The following UGT1A9 variants were observed in gnomAD, a reference collection of about 807,000 sequenced individuals.
UGT1A9 encodes the protein UDP-glucuronosyltransferase 1A9.
Under a neutral mutation model 45.0 loss-of-function variants are expected in UGT1A9, and 35 were observed. The ratio of observed to expected loss-of-function variants is 0.78; its 90% CI spans 0.59 to 1.03. The LOEUF is 1.03. Ranked by LOEUF, UGT1A9 falls within the 50% of genes least tolerant of loss-of-function variation. The probability of loss-of-function intolerance (pLI) is 0.00; values close to 1 mark genes in which losing one functional copy is unlikely to be tolerated. For synonymous variants in UGT1A9, 278 were observed against 250.6 expected (o/e 1.11, Z -1.03); for missense variants, 687 against 666.6 (o/e 1.03, Z -0.34).
In UGT1A9 at chr2:233,769,534, G is replaced by C. The variant is rs752305202; in HGVS notation, c.1295+1095G>C. ...CTCCCATGGTTACCTCCTTTAGAAA[G>C]AAGCAGCAGTCAGGAAGACAGATGT... is the stretch of plus-strand genomic sequence containing the variant. On this transcript the variant is annotated intron_variant, in intron 4 of 4. Transcript: ENST00000354728. The surrounding 1 kb of genome is among the most constrained non-coding windows in gnomAD (Gnocchi z 4.4). 6.2e-7 allele frequency: 1 copy of C among 1,612,926 alleles called. No individual in the cohort carries two copies. Among genetic ancestry groups the C allele is most frequent in the South Asian group, 1.1e-5 (1 of 91,080 alleles).
intron 1 of UGT1A9, among the ~76,000 whole-genome samples, chr2:233,706,927 T>G (rs2075931313): frequency 6.6e-6 from 1 of 152,158 alleles, no homozygotes; most frequent in African/African-American, 2.4e-5. Context: ...AGTATGAGTC[T>G]GGTGAGATGG....
intron 1 of UGT1A9, among the ~76,000 whole-genome samples, chr2:233,703,576 T>C (rs1010311982): frequency 2.0e-5 from 3 of 152,152 alleles, no homozygotes; most frequent in East Asian, 3.9e-4. Context: ...TTTTAAGGTC[T>C]ATATTATCTT....
At chr2:233,755,785 T>A (rs1696021377) in intron 1 of UGT1A9, 1 of 152,588 alleles carries the variant, frequency 6.6e-6, no homozygotes, top group Non-Finnish European at 1.5e-5. Flanking sequence ...ATGCCTATCA[T>A]ATGTACTGCA....
At chr2:233,682,220 GA>G (rs1559339444) in intron 1 of UGT1A9, 2 of 1,614,202 alleles carry the variant, frequency 1.2e-6, no homozygotes, top group South Asian at 2.2e-5. Flanking sequence ...GGTTTTTGCC[GA>G]TGCTCGCTGG....
At chr2:233,733,467 T>C (rs1231122039) in intron 1 of UGT1A9, among the ~76,000 whole-genome samples, 1 of 152,200 alleles carries the variant, frequency 6.6e-6, no homozygotes, top group African/African-American at 2.4e-5. Context: ...GCTCTTATTA[T>C]TTTGAGATAC....
intron 1 of UGT1A9, among the ~76,000 whole-genome samples, chr2:233,742,171 A>G (rs758194375): frequency 2.0e-5 from 3 of 151,946 alleles, no homozygotes; most frequent in Non-Finnish European, 2.9e-5. Context: ...CACACACAGA[A>G]ATATAGAGTG....
intron 1 of UGT1A9, among the ~76,000 whole-genome samples, chr2:233,716,209 T>C (rs1427806327): frequency 6.6e-6 from 1 of 152,234 alleles, no homozygotes; most frequent in Non-Finnish European, 1.5e-5. Flanking sequence ...TCTCTTTCAC[T>C]TGCAAGAGCC....
intron 1 of UGT1A9, among the ~76,000 whole-genome samples, chr2:233,682,977 T>C (rs1213676432): frequency 6.6e-6 from 1 of 152,212 alleles, no homozygotes; most frequent in African/African-American, 2.4e-5. Context: ...CTCTTGTTGA[T>C]ATGTAAGTGT....
intron 1 of UGT1A9, among the ~76,000 whole-genome samples, chr2:233,717,495 T>C (rs979410742): frequency 1.3e-5 from 2 of 152,220 alleles, no homozygotes; most frequent in Admixed American, 6.5e-5. Flanking sequence ...CTGTTATCAA[T>C]GTGGATTTCT....
At chr2:233,719,295 G>A in intron 1 of UGT1A9, 1 of 1,613,994 alleles carries the variant, frequency 6.2e-7, no homozygotes. Context: ...CCTCTGTGGG[G>A]CGGTGCTGGC....
rs568014834 is a variant in UGT1A9, at chr2:233,720,430, C to T, written c.856-46604C>T. Among the ~76,000 whole-genome samples the T allele has an allele frequency of 5.5e-4, 84 of 151,958 alleles. 1 individual carries two copies. The highest frequency in any genetic ancestry group is 1.8e-3 in the African/African-American group (76 of 41,396). ...GAAGGGACTAGGGAGGAGATAAGAC[C>T]GTGAATCTATAAGCCCAGTGAAGCT... On this transcript the variant is annotated intron_variant, in intron 1 of 4. Coordinates refer to ENST00000354728, the MANE Select transcript of UGT1A9 (RefSeq NM_021027.3).
At position 233,681,958 on chromosome 2, in the gene UGT1A9, T is replaced by C. The variant is rs1348349529; in HGVS notation, c.855+9169T>C. 4 of 1,613,906 alleles carry C rather than the reference T, an allele frequency of 2.5e-6. No individual in the cohort carries two copies. In the African/African-American group the frequency reaches 4.0e-5, roughly 16 times the overall value. On this transcript the variant is annotated intron_variant, in intron 1 of 4. Coordinates refer to ENST00000354728, the MANE Select transcript of UGT1A9 (RefSeq NM_021027.3). ...CTCTGATGGCTCGTGCAGGGTGGAC[T>C]GGCCTCCTTCCCCTATATGTGTGTC...
intron 1 of UGT1A9, among the ~76,000 whole-genome samples, chr2:233,705,460 C>A (rs1045270048): frequency 6.6e-6 from 1 of 152,132 alleles, no homozygotes; most frequent in African/African-American, 2.4e-5. Flanking sequence ...TATTTTTTAG[C>A]AGACACACAT....
chr2:233,679,313 C>A (rs1461081979), intron 1 of UGT1A9, among the ~76,000 whole-genome samples: 2 of 152,196 alleles, frequency 1.3e-5, no homozygotes, highest in African/African-American at 4.8e-5. Flanking sequence ...TGGAACCAAT[C>A]CAGAAAACGC....
intron 1 of UGT1A9, among the ~76,000 whole-genome samples, chr2:233,735,014 T>A (rs902605197): frequency 6.6e-6 from 1 of 152,232 alleles, no homozygotes; most frequent in Non-Finnish European, 1.5e-5. Flanking sequence ...GAGAGTTCTG[T>A]AGATGTCTAT....
intron 1 of UGT1A9, among the ~76,000 whole-genome samples, chr2:233,711,697 C>T (rs569258962): frequency 1.4e-3 from 217 of 152,312 alleles, no homozygotes; most frequent in Non-Finnish European, 2.6e-3. Context: ...GGGGTAACTT[C>T]CTCCCTAAGG....
At chr2:233,701,272 C>G (rs2075620073) in intron 1 of UGT1A9, among the ~76,000 whole-genome samples, 2 of 152,054 alleles carry the variant, frequency 1.3e-5, no homozygotes, top group Admixed American at 1.3e-4. Flanking sequence ...ATTTCTAGTT[C>G]TAGATCCTTG....
intron 1 of UGT1A9, chr2:233,690,814 G>A: frequency 1.9e-6 from 2 of 1,077,024 alleles, no homozygotes; most frequent in Non-Finnish European, 2.3e-6. Flanking sequence ...TCTTAGTACA[G>A]TCAAAGCTCA....
At chr2:233,677,264 A>C (rs1001758295) in intron 1 of UGT1A9, among the ~76,000 whole-genome samples, 1 of 152,136 alleles carries the variant, frequency 6.6e-6, no homozygotes, top group Non-Finnish European at 1.5e-5. Context: ...ATCCCTAAGT[A>C]TATCATGTTT....
Sources: gnomAD v4.1 joint callset for allele counts (sites outside exome capture counted in the v4.1 genomes callset) on GRCh38, gnomAD v4.1.1 for gene constraint, Gnocchi (gnomAD v3.1) non-coding constraint, MANE v1.5 for transcripts, NCBI Gene and HGNC (gene_info 2026-07-23, HGNC 2026-07-21) for gene names.